The following CCDC178 variants were observed in gnomAD, a reference collection of about 807,000 sequenced individuals.
The protein encoded by CCDC178 is coiled-coil domain-containing protein 178.
A neutral mutation model predicts 117.4 loss-of-function variants in CCDC178; 126 were observed. The observed-to-expected ratio is 1.07, with a 90% CI of 0.93 to 1.24. The LOEUF is 1.24. Among genes scored for constraint, CCDC178 ranks in the 50% most tolerant of loss-of-function variants. The pLI, the probability that CCDC178 is intolerant of heterozygous loss-of-function variation, is 0.00. For synonymous variants in CCDC178, 283 were observed against 313.4 expected (o/e 0.90, Z 1.02); for missense variants, 1,030 against 986.9 (o/e 1.04, Z -0.59).
chr18:33,136,564 A>C (rs1054456143), intron 20 of CCDC178, among the ~76,000 whole-genome samples: 1 of 152,196 alleles, frequency 6.6e-6, no homozygotes, highest in Non-Finnish European at 1.5e-5. Context: ...TAGGGACAGA[A>C]GAATAATATA....
At chr18:33,027,740 CTG>C (rs2056257430) in intron 21 of CCDC178, among the ~76,000 whole-genome samples, 1 of 151,528 alleles carries the variant, frequency 6.6e-6, no homozygotes, top group Non-Finnish European at 1.5e-5. Flanking sequence ...ACACTGTAGG[CTG>C]TTAGGAAAGT....
At chr18:33,089,148 A>T (rs1053526057) in intron 21 of CCDC178, among the ~76,000 whole-genome samples, 3 of 152,158 alleles carry the variant, frequency 2.0e-5, no homozygotes, top group Admixed American at 1.3e-4. Context: ...CAACTAGTGA[A>T]TCAAATAATC....
chr18:33,339,916 C>T (rs1413124484), intron 9 of CCDC178, among the ~76,000 whole-genome samples: 1 of 151,948 alleles, frequency 6.6e-6, no homozygotes, highest in East Asian at 1.9e-4. Context: ...TGAAAATGAA[C>T]TAATACAGTA....
At chr18:33,187,904 T>A (rs1458621576) in intron 20 of CCDC178, among the ~76,000 whole-genome samples, 1 of 152,150 alleles carries the variant, frequency 6.6e-6, no homozygotes, top group Non-Finnish European at 1.5e-5. Flanking sequence ...GGATTTACCA[T>A]GTGAAATCTA....
At chr18:33,104,221 A>G (rs1458495887) in intron 20 of CCDC178, among the ~76,000 whole-genome samples, 1 of 151,564 alleles carries the variant, frequency 6.6e-6, no homozygotes, top group African/African-American at 2.4e-5. Flanking sequence ...TTAATAGAAA[A>G]CCTCTAAAGA....
At chr18:33,063,104 A>C (rs1406908588) in intron 21 of CCDC178, among the ~76,000 whole-genome samples, 1 of 152,030 alleles carries the variant, frequency 6.6e-6, no homozygotes, top group Non-Finnish European at 1.5e-5. Flanking sequence ...AAACCAGCCC[A>C]CCAGCCAGGC....
intron 12 of CCDC178, among the ~76,000 whole-genome samples, chr18:33,288,679 G>C (rs779869760): frequency 5.3e-5 from 8 of 152,010 alleles, no homozygotes; most frequent in Non-Finnish European, 8.8e-5. Context: ...TAAACGCAGA[G>C]TGTAGTTAGA....
At chr18:33,156,641 CAAAAAAAAAA>C (rs35712594) in intron 20 of CCDC178, among the ~76,000 whole-genome samples, 2 of 99,272 alleles carry the variant, frequency 2.0e-5, no homozygotes, top group Admixed American at 1.2e-4. Flanking sequence ...TCCTCCCTCT[CAAAAAAAAAA>C]AAAAAAAAAA....
At chr18:33,199,418 C>G (rs768715430) in intron 20 of CCDC178, among the ~76,000 whole-genome samples, 10 of 152,214 alleles carry the variant, frequency 6.6e-5, no homozygotes, top group Non-Finnish European at 1.3e-4. Flanking sequence ...CTGTCTATCT[C>G]TTGTTCCACC....
chr18:32,999,857 C>G (rs770115095), intron 21 of CCDC178, among the ~76,000 whole-genome samples: 1 of 151,968 alleles, frequency 6.6e-6, no homozygotes, highest in Non-Finnish European at 1.5e-5. Context: ...CATTCAAATG[C>G]TTGGAAAACC....
At chr18:32,962,929 G>C (rs897890432) in intron 22 of CCDC178, among the ~76,000 whole-genome samples, 1 of 152,016 alleles carries the variant, frequency 6.6e-6, no homozygotes, top group Admixed American at 6.6e-5. Flanking sequence ...GAGTGGTCAA[G>C]AATGATTTAC....
chr18:33,061,293 T>C (rs1372160497), intron 21 of CCDC178, among the ~76,000 whole-genome samples: 1 of 152,072 alleles, frequency 6.6e-6, no homozygotes, highest in East Asian at 1.9e-4. Flanking sequence ...AATAATTGTA[T>C]ATTCAACTCA....
chr18:33,140,147 A>G (rs1012184264), intron 20 of CCDC178, among the ~76,000 whole-genome samples: 7 of 152,132 alleles, frequency 4.6e-5, no homozygotes, highest in Non-Finnish European at 8.8e-5. Context: ...CAGAGGATGT[A>G]TGGAAACACC....
intron 15 of CCDC178, among the ~76,000 whole-genome samples, chr18:33,237,322 C>G (rs1209880781): frequency 1.3e-5 from 2 of 152,132 alleles, no homozygotes; most frequent in Non-Finnish European, 2.9e-5. Context: ...TGAGTCCCAC[C>G]CAGGGCAAAC....
chr18:33,094,395 A>G (rs916328283), intron 20 of CCDC178, among the ~76,000 whole-genome samples: 82 of 152,122 alleles, frequency 5.4e-4, no homozygotes, highest in African/African-American at 1.9e-3. Context: ...ATTAATATTA[A>G]AATCCAATCC....
intron 2 of CCDC178, among the ~76,000 whole-genome samples, chr18:33,429,877 T>G (rs1021697675): frequency 1.1e-4 from 17 of 152,150 alleles, no homozygotes; most frequent in Non-Finnish European, 2.1e-4. Flanking sequence ...CTGTTAAAGG[T>G]AGATGATATA....
intron 20 of CCDC178, among the ~76,000 whole-genome samples, chr18:33,103,998 A>T (rs1313359588): frequency 2.0e-5 from 3 of 151,930 alleles, no homozygotes; most frequent in South Asian, 2.1e-4. Flanking sequence ...CAGAAACGGA[A>T]TAATAAATTT....
chr18:33,158,775 A>C (rs1427872368), intron 20 of CCDC178, among the ~76,000 whole-genome samples: 1 of 152,154 alleles, frequency 6.6e-6, no homozygotes, highest in Admixed American at 6.6e-5. Flanking sequence ...TTTTCTCTAC[A>C]CTAAAGTGTC....
intron 20 of CCDC178, among the ~76,000 whole-genome samples, chr18:33,104,519 T>G (rs1318972518): frequency 6.6e-6 from 1 of 151,760 alleles, no homozygotes; most frequent in Non-Finnish European, 1.5e-5. Flanking sequence ...AAACATTCAA[T>G]TATTTAAGGT....
Sources: gnomAD v4.1 joint callset for allele counts (sites outside exome capture counted in the v4.1 genomes callset) on GRCh38, gnomAD v4.1.1 for gene constraint, MANE v1.5 for transcripts, NCBI Gene and HGNC (gene_info 2026-07-23, HGNC 2026-07-21) for gene names.